The following HPSE variants were observed in gnomAD, a reference collection of about 807,000 sequenced individuals.
HPSE encodes the protein heparanase, also known as endo-glucoronidase.
Under a neutral mutation model 65.1 loss-of-function variants are expected in HPSE, and 48 were observed. That is an observed-to-expected ratio of 0.74 (90% CI 0.58 to 0.94). The LOEUF (loss-of-function observed/expected upper bound fraction) is 0.94, where lower values mean the gene tolerates loss of function less well. HPSE is among the 40% of genes least tolerant of loss of function. The probability of loss-of-function intolerance (pLI) is 0.00; values close to 1 mark genes in which losing one functional copy is unlikely to be tolerated. For synonymous variants in HPSE, 243 were observed against 260.0 expected (o/e 0.93, Z 0.63); for missense variants, 644 against 637.5 (o/e 1.01, Z -0.11).
At chr4:83,307,820 A>G (rs988449712) in intron 8 of HPSE, among the ~76,000 whole-genome samples, 3 of 152,224 alleles carry the variant, frequency 2.0e-5, no homozygotes, top group Non-Finnish European at 4.4e-5. Context: ...AAGAATGAAG[A>G]TGGAAGAGAA....
Position 83,319,449 on chromosome 4 carries a change from T to C in HPSE, c.394A>G (p.Ile132Val). ...VNQDICKYGS[I>V]PPDVEEKLRL... is the part of the protein sequence containing the mutation. ...AACTTCTCCTCCACATCAGGAGGGA[T>C]GGATCCATATTTGCAAATATCTGCA... Residue 132 changes from isoleucine (I) to valine (V), a missense_variant, in exon 3 of 12, where the codon ATC becomes GTC. By Grantham distance (29) the Ile-to-Val change is conservative. Coordinates refer to ENST00000311412, the MANE Select transcript of HPSE (RefSeq NM_001098540.3). The C allele has an allele frequency of 6.2e-7, 1 of 1,613,706 alleles. No homozygotes were observed. Among genetic ancestry groups the C allele is most frequent in the East Asian group, 2.2e-5 (1 of 44,876 alleles).
chr4:83,308,429 T>C (rs913394507), intron 8 of HPSE, among the ~76,000 whole-genome samples: 5 of 152,136 alleles, frequency 3.3e-5, no homozygotes, highest in Non-Finnish European at 7.3e-5. Context: ...TTGCCCAGTC[T>C]AGAGTGCAGT....
At chr4:83,324,113 C>CTTCTTT (rs1553920837) in intron 1 of HPSE, among the ~76,000 whole-genome samples, 3 of 74,744 alleles carry the variant, frequency 4.0e-5, no homozygotes, top group African/African-American at 5.2e-5. Context: ...TCTTCTTCTT[C>CTTCTTT]TTTTTTTTTT....
At chr4:83,332,560 A>T (rs1737420261) in intron 1 of HPSE, among the ~76,000 whole-genome samples, 1 of 152,250 alleles carries the variant, frequency 6.6e-6, no homozygotes, top group Admixed American at 6.5e-5. Context: ...TTGGTATTTC[A>T]TTATACTCCA....
Position 83,292,693 on chromosome 4 carries a change from A to G in HPSE, c.*2651T>C, listed in dbSNP as rs1438291957. ...GACTATTACTCAGCCATAAAGAAGAATAATGTATTTTGCAGCAACTTGGAC... is the reference window on the plus strand; with the variant it reads ...GACTATTACTCAGCCATAAAGAAGAGTAATGTATTTTGCAGCAACTTGGAC... On this transcript the variant is annotated 3_prime_UTR_variant, in exon 12 of 12. Coordinates refer to ENST00000311412, the MANE Select transcript of HPSE (RefSeq NM_001098540.3). The G allele has an allele frequency of 1.3e-5, 2 of 152,246 alleles. No homozygotes were observed. The highest frequency in any genetic ancestry group is 4.8e-5 in the African/African-American group (2 of 41,464). 9.4% of individuals were successfully genotyped at this position (152,246 alleles called of 1,614,324 possible). A position where few individuals can be genotyped will look rare whatever the true frequency, so the allele number is the denominator to read the frequency against.
At chr4:83,325,133 GTGTGT>G (rs1737095592) in intron 1 of HPSE, among the ~76,000 whole-genome samples, 1 of 17,878 alleles carries the variant, frequency 5.6e-5, no homozygotes, top group African/African-American at 9.9e-4. Context: ...ACAACTTGGT[GTGTGT>G]GTGTGTGTGT....
chr4:83,334,760 G>A lies in HPSE; in HGVS notation c.23C>T (p.Ala8Val). 6 of 1,550,354 alleles carry A rather than the reference G, an allele frequency of 3.9e-6. No individual in the cohort carries two copies. The highest frequency in any genetic ancestry group is 5.2e-6 in the Non-Finnish European group (6 of 1,147,064). Residue 8 changes from alanine to valine, a missense_variant, in exon 1 of 12, where the codon GCG (alanine) becomes GTG (valine). By Grantham distance (64) the Ala-to-Val change is moderately conservative. Coordinates refer to ENST00000311412, the MANE Select transcript of HPSE (RefSeq NM_001098540.3). The stretch of plus-strand genomic sequence containing the variant: ...CAGCAGCATCAGCGGCGGCGGCAGC[G>A]CAGGCTTCGAGCGCAGCAGCATCTT... MLLRSKP[A>V]LPPPLMLLLL...
intron 5 of HPSE, 64 bp downstream of exon 5, chr4:83,310,658 T>G: frequency 6.7e-7 from 1 of 1,483,960 alleles, no homozygotes; most frequent in Non-Finnish European, 9.2e-7. Flanking sequence ...GCTGACAGAG[T>G]GAGACTCTGT....
chr4:83,301,580 T>C (rs1223547740), intron 10 of HPSE, among the ~76,000 whole-genome samples: 1 of 152,172 alleles, frequency 6.6e-6, no homozygotes, highest in Non-Finnish European at 1.5e-5. Context: ...ATTCAAACCA[T>C]TCCCCTCGCT....
intron 3 of HPSE, among the ~76,000 whole-genome samples, chr4:83,314,533 C>T (rs1560510485): frequency 6.6e-6 from 1 of 152,062 alleles, no homozygotes. Flanking sequence ...AAGTTTTCTG[C>T]GATATTAAGG....
chr4:83,316,883 G>A (rs918847236), intron 3 of HPSE, among the ~76,000 whole-genome samples: 1 of 151,878 alleles, frequency 6.6e-6, no homozygotes, highest in East Asian at 1.9e-4. Flanking sequence ...TGTTGTTGTT[G>A]TTTTTTGTTT....
Position 83,294,910 on chromosome 4 carries a change from AAT to A in HPSE, c.*432_*433del, listed in dbSNP as rs1230974460. 1 of 152,292 alleles carries A rather than the reference AAT, an allele frequency of 6.6e-6. No individual in the cohort carries two copies. The highest frequency in any genetic ancestry group is 1.5e-5 in the Non-Finnish European group (1 of 68,138). 9.4% of individuals were successfully genotyped at this position (152,292 alleles called of 1,614,324 possible). ...ATGGCGAAACTCCATCTCTACAAAA[AAT>A]ATAGAAAGTAGCTGGGCGTGGTGGC... is the stretch of plus-strand genomic sequence containing the variant. On this transcript the variant is annotated 3_prime_UTR_variant, in exon 12 of 12. Coordinates refer to ENST00000311412, the MANE Select transcript of HPSE (RefSeq NM_001098540.3).
chr4:83,318,899 A>C lies in HPSE; in HGVS notation c.499+445T>G, dbSNP rs970540281. Reference sequence around the variant, plus strand: ...AAGAGAATGCTGCTTGGTGGCCAAGACTGTCTGGAGTGACTCAGGGCCCTC... The same window carrying C: ...AAGAGAATGCTGCTTGGTGGCCAAGCCTGTCTGGAGTGACTCAGGGCCCTC... On this transcript the variant is annotated intron_variant, in intron 3 of 11. Transcript: ENST00000311412. Among the ~76,000 whole-genome samples, 3 of 152,180 alleles carry C rather than the reference A, an allele frequency of 2.0e-5. No homozygotes were observed. The East Asian group carries it at 5.8e-4, about 29-fold the overall frequency.
intron 9 of HPSE, among the ~76,000 whole-genome samples, chr4:83,305,646 G>C (rs1053012645): frequency 1.3e-5 from 2 of 152,148 alleles, no homozygotes; most frequent in Non-Finnish European, 2.9e-5. Context: ...CTTCCACGAG[G>C]CTTTTTGGGA....
chr4:83,308,288 C>A (rs1243947345), intron 8 of HPSE, among the ~76,000 whole-genome samples: 1 of 152,102 alleles, frequency 6.6e-6, no homozygotes, highest in African/African-American at 2.4e-5. Flanking sequence ...CTCCTGTAGT[C>A]CCAGCTACTC....
chr4:83,292,799 G>A lies in HPSE; in HGVS notation c.*2545C>T, dbSNP rs1448249182. ...TGCATGTTCTCACTTATAAGTGGAA[G>A]CTTAGCTGTAGGTACACAAGAACAT... On this transcript the variant is annotated 3_prime_UTR_variant, in exon 12 of 12. Coordinates refer to ENST00000311412, the MANE Select transcript of HPSE (RefSeq NM_001098540.3). The A allele has an allele frequency of 6.6e-6, 1 of 152,216 alleles. No individual in the cohort carries two copies. Among genetic ancestry groups the A allele is most frequent in the Non-Finnish European group, 1.5e-5 (1 of 68,040 alleles). 9.4% of individuals were successfully genotyped at this position (152,216 alleles called of 1,614,324 possible). A position where few individuals can be genotyped will look rare whatever the true frequency, so the allele number is the denominator to read the frequency against.
intron 1 of HPSE, among the ~76,000 whole-genome samples, chr4:83,332,085 T>G (rs116381316): frequency 2.3e-3 from 343 of 152,376 alleles, no homozygotes; most frequent in African/African-American, 6.8e-3. Context: ...ACTGAGGAAG[T>G]GTCAGCTGTT....
chr4:83,323,092 C>T (rs941406531), intron 1 of HPSE, among the ~76,000 whole-genome samples: 1 of 152,032 alleles, frequency 6.6e-6, no homozygotes, highest in African/African-American at 2.4e-5. Flanking sequence ...AGCTCTGTGT[C>T]TGTCTGAAAA....
chr4:83,319,476 G>C lies in HPSE; in HGVS notation c.374-7C>G, dbSNP rs772176965. ...GATCCATATTTGCAAATATCTGCAA[G>C]TGGAAGAGATCATTTAGAAGGTCTG... On this transcript the variant is annotated splice_polypyrimidine_tract_variant and splice_region_variant and intron_variant, in intron 2 of 11. Coordinates refer to ENST00000311412, the MANE Select transcript of HPSE (RefSeq NM_001098540.3). The C allele has an allele frequency of 1.2e-6, 2 of 1,612,728 alleles. No homozygotes were observed. The highest frequency in any genetic ancestry group is 2.7e-5 in the African/African-American group (2 of 74,852).
Sources: gnomAD v4.1 joint callset for allele counts (sites outside exome capture counted in the v4.1 genomes callset) on GRCh38, gnomAD v4.1.1 for gene constraint, MANE v1.5 for transcripts, NCBI Gene and HGNC (gene_info 2026-07-23, HGNC 2026-07-21) for gene names.